Variants in NBEA observed in about 807,000 individuals in gnomAD.
NBEA encodes the protein neurobeachin, also known as lysosomal-trafficking regulator 2.
A neutral mutation model predicts 343.4 loss-of-function variants in NBEA; 44 were observed. That is an observed-to-expected ratio of 0.13 (90% CI 0.10 to 0.16). The LOEUF (loss-of-function observed/expected upper bound fraction) is 0.16. Among genes scored for constraint, NBEA ranks in the 10% least tolerant of loss-of-function variants. The pLI, the probability that NBEA is intolerant of heterozygous loss-of-function variation, is 1.00. For missense variants in NBEA, 2,555 were observed against 3,631.3 expected, an observed-to-expected ratio of 0.70 and a Z score of 7.62; for synonymous variants, 1,175 against 1,238.7, an observed-to-expected ratio of 0.95 and a Z score of 1.08.
intron 18 of NBEA, among the ~76,000 whole-genome samples, chr13:35,149,236 A>G (rs1230123737): frequency 4.6e-5 from 7 of 152,154 alleles, no homozygotes; most frequent in Admixed American, 1.3e-4. Context: ...GCTTTTCCCT[A>G]TGCAGAGTAT....
Position 35,012,689 on chromosome 13 carries a change from A to G in NBEA, c.295-28244A>G, listed in dbSNP as rs142147297. Among the ~76,000 whole-genome samples the G allele has an allele frequency of 2.0e-5, 3 of 152,346 alleles. No individual in the cohort carries two copies. The East Asian group carries it at 5.8e-4, about 29-fold the overall frequency. On this transcript the variant is annotated intron_variant, in intron 1 of 58. Transcript: ENST00000379939. ...ATGATCAATTATAGTTCAGTAAAGT[A>G]TATTTTGTATAACATTTGAAAATAA...
chr13:35,276,977 C>A (rs930326831), intron 34 of NBEA, among the ~76,000 whole-genome samples: 12 of 151,988 alleles, frequency 7.9e-5, no homozygotes, highest in African/African-American at 2.9e-4. Flanking sequence ...TTTACTTTTT[C>A]CTTCTGTTTT....
chr13:35,493,423 A>G (rs974874695), intron 41 of NBEA, among the ~76,000 whole-genome samples: 1 of 151,972 alleles, frequency 6.6e-6, no homozygotes, highest in Non-Finnish European at 1.5e-5. Context: ...AGACCCTAAC[A>G]TTCCATATGA....
At chr13:35,068,867 T>TGG (rs2063755816) in intron 8 of NBEA, among the ~76,000 whole-genome samples, 2 of 152,124 alleles carry the variant, frequency 1.3e-5, no homozygotes, top group South Asian at 4.1e-4. Context: ...AGCTGAGGAG[T>TGG]GGGGGCCACT....
chr13:35,214,699 T>C (rs1449797101), intron 33 of NBEA, among the ~76,000 whole-genome samples: 1 of 151,818 alleles, frequency 6.6e-6, no homozygotes, highest in Admixed American at 6.6e-5. Context: ...TTTGACAGAG[T>C]TCATTGTCTC....
At chr13:35,651,921 T>A in intron 53 of NBEA, 45 bp downstream of exon 53, 10 of 996,214 alleles carry the variant, frequency 1.0e-5, no homozygotes, top group South Asian at 1.4e-5. Context: ...ACTATCCATA[T>A]ATTCATATAT....
chr13:35,063,217 G>T (rs1337699856), intron 8 of NBEA, among the ~76,000 whole-genome samples: 1 of 151,954 alleles, frequency 6.6e-6, no homozygotes, highest in Non-Finnish European at 1.5e-5. Context: ...AAGCAGTTGG[G>T]CACTGTTCTA....
intron 11 of NBEA, among the ~76,000 whole-genome samples, chr13:35,102,224 A>C (rs1219344127): frequency 6.6e-6 from 1 of 151,828 alleles, no homozygotes; most frequent in African/African-American, 2.4e-5. Flanking sequence ...TTCCCACTGC[A>C]TTGCAGTCTA....
chr13:35,001,139 A>C (rs570015118), intron 1 of NBEA, among the ~76,000 whole-genome samples: 1 of 152,212 alleles, frequency 6.6e-6, no homozygotes, highest in East Asian at 1.9e-4. Flanking sequence ...ACTTCTATTA[A>C]AAATAATAAC....
chr13:35,114,462 A>G (rs117117419), intron 13 of NBEA, among the ~76,000 whole-genome samples: 1,725 of 152,298 alleles, frequency 0.011, 19 homozygotes, highest in Non-Finnish European at 0.015. Flanking sequence ...ATCTGTAACC[A>G]TACCCTCAGA....
intron 30 of NBEA, among the ~76,000 whole-genome samples, chr13:35,191,086 C>G (rs1182698010): frequency 6.6e-6 from 1 of 151,992 alleles, no homozygotes; most frequent in Non-Finnish European, 1.5e-5. Context: ...TGTGTTTATC[C>G]TACGCTGGGG....
chr13:35,291,886 T>C lies in NBEA; in HGVS notation c.5838+1436T>C, dbSNP rs560404863. On this transcript the variant is annotated intron_variant, in intron 35 of 58. Coordinates refer to ENST00000379939, the MANE Select transcript of NBEA (RefSeq NM_001385012.1). ...TTTAAGCTCTCTATGCAGTGCACTT[T>C]CTTTCAGTGTTTCAGCAAAGCAATG... 3.2e-4 allele frequency among the ~76,000 whole-genome samples: 48 copies of C among 152,088 alleles called. No homozygotes were observed. In the South Asian group the frequency reaches 8.3e-3, roughly 26 times the overall value.
chr13:35,333,526 C>G (rs1440262624), intron 36 of NBEA, among the ~76,000 whole-genome samples: 3 of 151,946 alleles, frequency 2.0e-5, no homozygotes, highest in Non-Finnish European at 4.4e-5. Flanking sequence ...AGGCATTTAT[C>G]CTTTATGTTA....
At chr13:35,646,840 C>G (rs546791745) in intron 51 of NBEA, among the ~76,000 whole-genome samples, 27 of 152,280 alleles carry the variant, frequency 1.8e-4, no homozygotes, top group African/African-American at 6.0e-4. Context: ...CAGAGCCGGA[C>G]AGGGCAAACA....
chr13:35,628,812 G>C (rs958341896), intron 49 of NBEA, among the ~76,000 whole-genome samples: 1 of 152,160 alleles, frequency 6.6e-6, no homozygotes. Context: ...CAGCTACTGT[G>C]GGGGCTGAGG....
In NBEA at chr13:35,142,368, A is replaced by G; in HGVS notation, c.2436A>G (p.Thr812=). 1 of 1,609,896 alleles carries G rather than the reference A, an allele frequency of 6.2e-7. No homozygotes were observed. Among genetic ancestry groups the G allele is most frequent in the Non-Finnish European group, 8.5e-7 (1 of 1,176,892 alleles). ...TNTVTVTTYN[T]LYEILTEQVC... is the part of the protein sequence containing the mutation. Reference sequence around the variant, plus strand: ...CTGTGACTGTCACCACATACAACACACTTTATGAGGTAAAAATAAAAAATG... The same window carrying G: ...CTGTGACTGTCACCACATACAACACGCTTTATGAGGTAAAAATAAAAAATG... The change falls in exon 18 of 59, where the codon ACA becomes ACG. Residue 812 remains threonine (T), a synonymous_variant. Transcript: ENST00000379939.
At chr13:35,645,844 C>A in intron 49 of NBEA, 25 bp from the exon 50 acceptor site, 2 of 1,453,316 alleles carry the variant, frequency 1.4e-6, no homozygotes, top group Non-Finnish European at 1.9e-6. Context: ...GACTTCATGT[C>A]TCATTCTTTT....
chr13:35,490,126 T>A (rs2076449951), intron 41 of NBEA, among the ~76,000 whole-genome samples: 1 of 151,886 alleles, frequency 6.6e-6, no homozygotes, highest in African/African-American at 2.4e-5. Flanking sequence ...GAGGGCACAC[T>A]AGAATGAGGA....
intron 13 of NBEA, among the ~76,000 whole-genome samples, chr13:35,114,922 TA>T (rs923801372): frequency 6.6e-6 from 1 of 152,186 alleles, no homozygotes; most frequent in African/African-American, 2.4e-5. Context: ...AAGGACACTC[TA>T]AAGATAATTT....
Sources: gnomAD v4.1 joint callset for allele counts (sites outside exome capture counted in the v4.1 genomes callset) on GRCh38, gnomAD v4.1.1 for gene constraint, MANE v1.5 for transcripts, NCBI Gene and HGNC (gene_info 2026-07-23, HGNC 2026-07-21) for gene names.